EIF4EBP2: variants seen among roughly 807,000 people sequenced by gnomAD.
EIF4EBP2 encodes eukaryotic translation initiation factor 4E-binding protein 2.
In EIF4EBP2, 5 loss-of-function variants were observed where a neutral mutation model predicts 10.3. The observed-to-expected ratio is 0.48, with a 90% CI of 0.25 to 1.02. The LOEUF (loss-of-function observed/expected upper bound fraction) is 1.02, where lower values mean the gene tolerates loss of function less well. EIF4EBP2 is among the 50% of genes least tolerant of loss of function. The pLI is 0.15. For synonymous variants in EIF4EBP2, 67 were observed against 61.1 expected, an observed-to-expected ratio of 1.10 and a Z score of -0.45; for missense variants, 188 against 162.2, an observed-to-expected ratio of 1.16 and a Z score of -0.86.
intron 1 of EIF4EBP2, among the ~76,000 whole-genome samples, chr10:70,414,542 C>T (rs1383980021): frequency 6.6e-6 from 1 of 152,030 alleles, no homozygotes; most frequent in East Asian, 1.9e-4. Flanking sequence ...GGTGAGTTTG[C>T]CAAGGTTGCA....
At chr10:70,405,771 A>G (rs1371097548) in intron 1 of EIF4EBP2, among the ~76,000 whole-genome samples, 1 of 152,030 alleles carries the variant, frequency 6.6e-6, no homozygotes. Flanking sequence ...AAGGGATAAA[A>G]TCTAGGAGGG....
intron 1 of EIF4EBP2, among the ~76,000 whole-genome samples, chr10:70,413,815 GTT>G (rs1275659149): frequency 2.0e-5 from 3 of 151,952 alleles, no homozygotes; most frequent in Non-Finnish European, 4.4e-5. Flanking sequence ...ATGGAAAATT[GTT>G]TTTTAATTTT....
In EIF4EBP2 at chr10:70,421,516, TCTC is replaced by T. The variant is rs201964934; in HGVS notation, c.332-198_332-196del. Reference sequence around the variant, plus strand: ...CACTTGTGTCCTTTTCCCCAAAACTTCTCCCCATGGGTGATGGGACTGCCATTC... The same window carrying T: ...CACTTGTGTCCTTTTCCCCAAAACTTCCCATGGGTGATGGGACTGCCATTC... On this transcript the variant is annotated intron_variant, in intron 2 of 2. Transcript: ENST00000373218. 4.8e-3 allele frequency among the ~76,000 whole-genome samples: 731 copies of T among 152,212 alleles called. 7 individuals carry two copies. Among genetic ancestry groups the T allele is most frequent in the African/African-American group, 0.016 (676 of 41,508 alleles).
chr10:70,421,723 T>C lies in EIF4EBP2; in HGVS notation c.339T>C (p.Asp113=). The change falls in exon 3 of 3, where the codon GAT becomes GAC. Residue 113 remains aspartate (D), a synonymous_variant. Transcript: ENST00000373218. ...TTTATTGGTCCTAACTAGGGGATGA[T>C]GCTCAGTTCGAGATGGACATCTGAC... The part of the protein sequence containing the change: ...NHDRKHAVGD[D]AQFEMDI The C allele has an allele frequency of 6.2e-7, 1 of 1,613,588 alleles. No individual in the cohort carries two copies. The highest frequency in any genetic ancestry group is 8.5e-7 in the Non-Finnish European group (1 of 1,179,788).
intron 1 of EIF4EBP2, among the ~76,000 whole-genome samples, chr10:70,415,753 A>C (rs916893146): frequency 6.6e-6 from 1 of 152,258 alleles, no homozygotes; most frequent in Non-Finnish European, 1.5e-5. Context: ...GATGGCTCAA[A>C]GACCTAAATG....
chr10:70,405,989 T>A (rs1451669146), intron 1 of EIF4EBP2, among the ~76,000 whole-genome samples: 1 of 152,136 alleles, frequency 6.6e-6, no homozygotes, highest in Non-Finnish European at 1.5e-5. Context: ...GACCAACTCG[T>A]GTTTGAGCAT....
intron 1 of EIF4EBP2, among the ~76,000 whole-genome samples, chr10:70,413,943 T>C (rs919933519): frequency 1.3e-5 from 2 of 152,228 alleles, no homozygotes; most frequent in African/African-American, 2.4e-5. Flanking sequence ...TTAACTTGTT[T>C]CTAGTTACTT....
At chr10:70,413,285 C>T (rs899563492) in intron 1 of EIF4EBP2, among the ~76,000 whole-genome samples, 1 of 152,130 alleles carries the variant, frequency 6.6e-6, no homozygotes, top group African/African-American at 2.4e-5. Flanking sequence ...ATTCACCTGT[C>T]CTCCTGCCTT....
rs568117470 is a variant in EIF4EBP2 at position 70,424,691 on chromosome 10, A to G, written c.*2944A>G. ...CTTTTTATGAGGAACCCATGCTTCT[A>G]TACTTGGGCGGACAATCGAGCTTAA... On this transcript the variant is annotated 3_prime_UTR_variant, in exon 3 of 3. Transcript: ENST00000373218. 2.6e-5 allele frequency: 4 copies of G among 152,374 alleles called. No homozygotes were observed. Among genetic ancestry groups the G allele is most frequent in the African/African-American group, 7.2e-5 (3 of 41,596 alleles). 9.4% of individuals were successfully genotyped at this position (152,374 alleles called of 1,614,324 possible).
intron 1 of EIF4EBP2, among the ~76,000 whole-genome samples, chr10:70,405,248 G>C (rs1844954714): frequency 6.6e-6 from 1 of 152,214 alleles, no homozygotes; most frequent in Non-Finnish European, 1.5e-5. Context: ...CGACGCCTTT[G>C]GAAATGGATT....
intron 1 of EIF4EBP2, among the ~76,000 whole-genome samples, chr10:70,412,911 A>C (rs1052101647): frequency 6.6e-6 from 1 of 152,236 alleles, no homozygotes; most frequent in African/African-American, 2.4e-5. Flanking sequence ...AAATATGTAC[A>C]TTTTGAAACA....
chr10:70,416,980 G>T (rs575479164), intron 1 of EIF4EBP2, among the ~76,000 whole-genome samples: 3 of 152,032 alleles, frequency 2.0e-5, no homozygotes, highest in African/African-American at 7.3e-5. Flanking sequence ...TTTTAGTTTG[G>T]TATATACCCA....
intron 1 of EIF4EBP2, among the ~76,000 whole-genome samples, chr10:70,413,937 C>T (rs1311253336): frequency 6.6e-6 from 1 of 152,136 alleles, no homozygotes; most frequent in Non-Finnish European, 1.5e-5. Flanking sequence ...TTAAGGTTAA[C>T]TTGTTTCTAG....
chr10:70,415,541 C>CAT (rs1758014016), intron 1 of EIF4EBP2, among the ~76,000 whole-genome samples: 1 of 152,146 alleles, frequency 6.6e-6, no homozygotes, highest in South Asian at 2.1e-4. Context: ...AAACTTATTA[C>CAT]AAGTCAAGAC....
chr10:70,421,286 G>T (rs1163789422), intron 2 of EIF4EBP2, among the ~76,000 whole-genome samples: 1 of 152,162 alleles, frequency 6.6e-6, no homozygotes, highest in Admixed American at 6.5e-5. Context: ...ATTCCTCAGG[G>T]ACTGCACTTG....
At chr10:70,414,491 CAT>C (rs754353871) in intron 1 of EIF4EBP2, among the ~76,000 whole-genome samples, 24 of 152,150 alleles carry the variant, frequency 1.6e-4, no homozygotes, top group Non-Finnish European at 3.1e-4. Context: ...CAAAATCAAA[CAT>C]ATCTTAGGAA....
rs1254825014 is a variant in EIF4EBP2, at chr10:70,407,643, T to C, written c.145+3097T>C. 2.9e-3 allele frequency among the ~76,000 whole-genome samples: 437 copies of C among 149,002 alleles called. 1 individual carries two copies. Among genetic ancestry groups the C allele is most frequent in the African/African-American group, 0.01 (413 of 39,712 alleles). ...TGAGCTGTTGAGTACACCTCCCAGATGGGGTGGTGGCCGGGCAGAGGGGCT... is the reference window on the plus strand; with the variant it reads ...TGAGCTGTTGAGTACACCTCCCAGACGGGGTGGTGGCCGGGCAGAGGGGCT... On this transcript the variant is annotated intron_variant, in intron 1 of 2. Transcript: ENST00000373218.
chr10:70,406,914 T>C (rs1469645306), intron 1 of EIF4EBP2, among the ~76,000 whole-genome samples: 3 of 152,150 alleles, frequency 2.0e-5, no homozygotes, highest in African/African-American at 7.2e-5. Flanking sequence ...TATTTATTTT[T>C]GGAGACGGAG....
In EIF4EBP2 at chr10:70,424,930, C is replaced by G. The variant is rs1845191855; in HGVS notation, c.*3183C>G. 1 of 152,174 alleles carries G rather than the reference C, an allele frequency of 6.6e-6. No individual in the cohort carries two copies. The highest frequency in any genetic ancestry group is 1.5e-5 in the Non-Finnish European group (1 of 68,036). The allele number at this position is 152,174 out of a possible 1,614,324, so 9.4% of individuals were successfully genotyped here. ...TTCCACCTGTATTAGTTATCTATTG[C>G]TGTGTAAAAAATTACCCTAAATTTA... On this transcript the variant is annotated 3_prime_UTR_variant, in exon 3 of 3. Coordinates refer to ENST00000373218, the MANE Select transcript of EIF4EBP2 (RefSeq NM_004096.5).
Sources: allele counts gnomAD v4.1 joint callset (sites outside exome capture counted in the v4.1 genomes callset), GRCh38; gene constraint gnomAD v4.1.1; transcripts MANE v1.5; gene names NCBI Gene and HGNC (gene_info 2026-07-23, HGNC 2026-07-21).